Variants in FBXW8 observed in about 807,000 individuals in gnomAD.
FBXW8 encodes F-box and WD repeat domain containing 8.
Under a neutral mutation model 65.3 loss-of-function variants are expected in FBXW8, and 57 were observed. That is an observed-to-expected ratio of 0.87 (90% CI 0.71 to 1.09). FBXW8 has a LOEUF of 1.09. Ranked by LOEUF, FBXW8 falls within the 50% of genes least tolerant of loss-of-function variation. The pLI, the probability that FBXW8 is intolerant of heterozygous loss-of-function variation, is 0.00. For synonymous variants in FBXW8, 308 were observed against 330.2 expected, an observed-to-expected ratio of 0.93 and a Z score of 0.73; for missense variants, 777 against 814.8, an observed-to-expected ratio of 0.95 and a Z score of 0.57.
chr12:117,008,555 A>G (rs1953731030), intron 7 of FBXW8, among the ~76,000 whole-genome samples: 1 of 152,238 alleles, frequency 6.6e-6, no homozygotes, highest in Admixed American at 6.5e-5. Context: ...TGCTGTTAGC[A>G]ATAGTTAATA....
intron 8 of FBXW8, among the ~76,000 whole-genome samples, chr12:117,022,359 A>ATTT (rs1287871101): frequency 2.6e-5 from 4 of 152,140 alleles, no homozygotes; most frequent in African/African-American, 9.7e-5. Context: ...AACTATTAAA[A>ATTT]AAAAAAAAAA....
chr12:117,023,723 C>T (rs968991837), intron 8 of FBXW8, among the ~76,000 whole-genome samples: 2 of 152,306 alleles, frequency 1.3e-5, no homozygotes, highest in Admixed American at 1.3e-4. Context: ...TTTTCCTAAC[C>T]GGGTCCTCAC....
At chr12:116,987,854 G>A (rs545791160) in intron 6 of FBXW8, among the ~76,000 whole-genome samples, 13 of 152,282 alleles carry the variant, frequency 8.5e-5, no homozygotes, top group Admixed American at 2.6e-4. Flanking sequence ...CTTGAAGGCA[G>A]CCATTGTTAG....
chr12:116,926,449 G>A (rs911586884), intron 1 of FBXW8, among the ~76,000 whole-genome samples: 1 of 152,194 alleles, frequency 6.6e-6, no homozygotes, highest in Non-Finnish European at 1.5e-5. Flanking sequence ...TCCTTGGCAA[G>A]CAGTGACTCC....
At chr12:116,981,255 C>A (rs1430859175) in intron 5 of FBXW8, among the ~76,000 whole-genome samples, 5 of 152,222 alleles carry the variant, frequency 3.3e-5, no homozygotes, top group Admixed American at 1.3e-4. Flanking sequence ...AAACACCCCT[C>A]CCTGTTAGCT....
At chr12:117,018,311 A>C (rs912378912) in intron 8 of FBXW8, among the ~76,000 whole-genome samples, 1 of 152,246 alleles carries the variant, frequency 6.6e-6, no homozygotes, top group African/African-American at 2.4e-5. Context: ...CAATGGGCAA[A>C]GTTGATGAAA....
chr12:116,988,680 A>G lies in FBXW8; in HGVS notation c.1050A>G (p.Ile350Met). ...EVPKLVQYLE[I>M]VPETRRYPVA... is the part of the protein sequence containing the mutation. ...TTTAACAGGTTCAGTACCTTGAAATAGTTCCAGAAACCAGAAGGTACCCTG... is the reference window on the plus strand; with the variant it reads ...TTTAACAGGTTCAGTACCTTGAAATGGTTCCAGAAACCAGAAGGTACCCTG... Residue 350 changes from isoleucine to methionine, a missense_variant, in exon 7 of 11, where the codon ATA (isoleucine) becomes ATG (methionine). Ile to Met is a conservative substitution (Grantham distance 10, BLOSUM62 1). Transcript: ENST00000652555. 1 of 1,614,192 alleles carries G rather than the reference A, an allele frequency of 6.2e-7. No individual in the cohort carries two copies. The highest frequency in any genetic ancestry group is 8.5e-7 in the Non-Finnish European group (1 of 1,180,040).
intron 1 of FBXW8, among the ~76,000 whole-genome samples, chr12:116,915,458 T>G (rs1481958945): frequency 6.6e-6 from 1 of 152,082 alleles, no homozygotes; most frequent in Non-Finnish European, 1.5e-5. Flanking sequence ...AATTTTCAAG[T>G]GTACACATCC....
At chr12:116,949,498 A>C in intron 3 of FBXW8, 120 bp from the exon 4 acceptor site, 1 of 813,948 alleles carries the variant, frequency 1.2e-6, no homozygotes, top group Non-Finnish European at 2.1e-6. Flanking sequence ...TGGAACTTTG[A>C]ATGCACTTGT....
chr12:117,024,232 G>T lies in FBXW8; in HGVS notation c.1453G>T (p.Asp485Tyr). 1 of 1,614,198 alleles carries T rather than the reference G, an allele frequency of 6.2e-7. No homozygotes were observed. The highest frequency in any genetic ancestry group is 1.1e-5 in the South Asian group (1 of 91,068). Residue 485 changes from aspartate to tyrosine, a missense_variant, in exon 9 of 11, where the codon GAC (aspartate) becomes TAC (tyrosine). Coordinates refer to ENST00000652555, the MANE Select transcript of FBXW8 (RefSeq NM_153348.3). ...CAGGGTCTCTGCTGTGCAGATGGAT[G>T]ACTGGAAGATCGTCAGTGGAGGCGA... ...QLRVSAVQMD[D>Y]WKIVSGGEEG...
Position 116,986,699 on chromosome 12 carries a change from A to G in FBXW8, c.1032+1297A>G, listed in dbSNP as rs1885715259. On this transcript the variant is annotated intron_variant, in intron 6 of 10. Coordinates refer to ENST00000652555, the MANE Select transcript of FBXW8 (RefSeq NM_153348.3). ...CAGCAATCACTGTATGGACCCAGAT[A>G]CTTACTTAAGATGCCAGTTTCTCTG... 3 of 152,344 alleles carry G rather than the reference A, an allele frequency of 2.0e-5. No individual in the cohort carries two copies. The South Asian group carries it at 6.2e-4, about 32-fold the overall frequency. 9.4% of individuals were successfully genotyped at this position (152,344 alleles called of 1,614,324 possible).
At chr12:116,959,356 T>C (rs1298454968) in intron 4 of FBXW8, among the ~76,000 whole-genome samples, 1 of 152,196 alleles carries the variant, frequency 6.6e-6, no homozygotes, top group Non-Finnish European at 1.5e-5. Flanking sequence ...CAGTGTCATC[T>C]GAGGAGGCAG....
At chr12:116,960,736 C>T (rs751982412) in intron 4 of FBXW8, among the ~76,000 whole-genome samples, 39 of 152,202 alleles carry the variant, frequency 2.6e-4, no homozygotes, top group Admixed American at 4.6e-4. Context: ...TTATGATGAG[C>T]TCTGCATAAG....
In FBXW8 at chr12:116,928,076, A is replaced by G. The variant is rs779953623; in HGVS notation, c.372A>G (p.Ala124=). 1.1e-5 allele frequency: 17 copies of G among 1,612,446 alleles called. No individual in the cohort carries two copies. In the Admixed American group the frequency reaches 2.8e-4, roughly 27 times the overall value. The change falls in exon 2 of 11, where the codon GCA becomes GCG. Residue 124 remains alanine, a synonymous_variant. Transcript: ENST00000652555. The stretch of plus-strand genomic sequence containing the variant: ...ATATCCAACTGCCTTACGAATTGGC[A>G]ATCAATATATTTCAGTATCTGGACA... ...FFDIQLPYEL[A]INIFQYLDRK... is the part of the protein sequence containing the mutation.
chr12:117,004,322 T>C (rs994182926), intron 7 of FBXW8, among the ~76,000 whole-genome samples: 7 of 152,256 alleles, frequency 4.6e-5, no homozygotes, highest in Non-Finnish European at 8.8e-5. Context: ...TTATTTGATC[T>C]TGCCTGGAAG....
At chr12:116,979,803 C>A (rs2135657943) in intron 5 of FBXW8, among the ~76,000 whole-genome samples, 1 of 148,066 alleles carries the variant, frequency 6.8e-6, no homozygotes, top group Non-Finnish European at 1.5e-5. Context: ...AAAACACTTG[C>A]TTCTTATGCC....
At chr12:116,924,349 T>C (rs1429190155) in intron 1 of FBXW8, among the ~76,000 whole-genome samples, 2 of 152,238 alleles carry the variant, frequency 1.3e-5, no homozygotes, top group East Asian at 1.9e-4. Flanking sequence ...CGGTGTCATA[T>C]ATGTATACAA....
rs759751109 is a variant in FBXW8 at position 116,949,613 on chromosome 12, C to T, written c.589-5C>T. 32 of 1,614,008 alleles carry T rather than the reference C, an allele frequency of 2.0e-5. No individual in the cohort carries two copies. Among genetic ancestry groups the T allele is most frequent in the South Asian group, 1.6e-4 (15 of 91,086 alleles). ...CTAAACTGCATCCCCCTTTTCCTCA[C>T]GCAGAATCGCAAAGGTGCCGTGAGC... On this transcript the variant is annotated splice_polypyrimidine_tract_variant and splice_region_variant and intron_variant, in intron 3 of 10. Coordinates refer to ENST00000652555, the MANE Select transcript of FBXW8 (RefSeq NM_153348.3).
At chr12:116,928,566 A>G (rs1881519853) in intron 2 of FBXW8, among the ~76,000 whole-genome samples, 1 of 152,218 alleles carries the variant, frequency 6.6e-6, no homozygotes, top group Non-Finnish European at 1.5e-5. Flanking sequence ...TTAGGTGTAT[A>G]GTCCAAATTA....
Sources: allele counts gnomAD v4.1 joint callset (sites outside exome capture counted in the v4.1 genomes callset), GRCh38; gene constraint gnomAD v4.1.1; transcripts MANE v1.5; gene names NCBI Gene and HGNC (gene_info 2026-07-23, HGNC 2026-07-21).